NFIA: variants seen among roughly 807,000 people sequenced by gnomAD.
The protein encoded by NFIA is nuclear factor I A, also known as nuclear factor 1 A-type.
Under a neutral mutation model 62.8 loss-of-function variants are expected in NFIA, and 8 were observed. The observed-to-expected ratio is 0.13, with a 90% CI of 0.07 to 0.23. NFIA has a LOEUF of 0.23. Ranked by LOEUF, NFIA falls within the 10% of genes least tolerant of loss-of-function variation. The probability of loss-of-function intolerance (pLI) is 1.00; values close to 1 mark genes in which losing one functional copy is unlikely to be tolerated. For synonymous variants in NFIA, 235 were observed against 238.1 expected (o/e 0.99, Z 0.12); for missense variants, 410 against 642.1 (o/e 0.64, Z 3.91).
chr1:61,403,969 C>A, intron 7 of NFIA, 135 bp from the exon 8 acceptor site: 1 of 979,990 alleles, frequency 1.0e-6, no homozygotes, highest in Non-Finnish European at 1.5e-6. Flanking sequence ...CAGACCTATC[C>A]AGTGTTAAAT....
intron 2 of NFIA, among the ~76,000 whole-genome samples, chr1:61,117,961 AT>A (rs1358174084): frequency 2.6e-5 from 4 of 152,210 alleles, no homozygotes; most frequent in Admixed American, 6.5e-5. Context: ...AGGCAGGTGG[AT>A]TGCCTGAGAT....
chr1:61,359,114 T>G (rs763795346), intron 5 of NFIA, 33 bp from the exon 6 acceptor site: 1 of 1,607,058 alleles, frequency 6.2e-7, no homozygotes, highest in Admixed American at 1.7e-5. Context: ...TGGTTGCGAT[T>G]GCTTTTAAAC....
chr1:61,137,614 A>T (rs1014353892), intron 2 of NFIA, among the ~76,000 whole-genome samples: 1 of 152,112 alleles, frequency 6.6e-6, no homozygotes, highest in African/African-American at 2.4e-5. Context: ...TTGGCTGCCC[A>T]TTTAGAATCA....
intron 2 of NFIA, among the ~76,000 whole-genome samples, chr1:61,116,668 G>A (rs939293231): frequency 4.6e-5 from 7 of 152,176 alleles, no homozygotes; most frequent in Non-Finnish European, 1.0e-4. Context: ...AATTATCAAC[G>A]ATGACTGCAG....
At chr1:61,196,092 G>C (rs1360484763) in intron 2 of NFIA, among the ~76,000 whole-genome samples, 1 of 152,162 alleles carries the variant, frequency 6.6e-6, no homozygotes, top group Non-Finnish European at 1.5e-5. Context: ...AAAATTAAAA[G>C]TCAGTTTGCT....
chr1:61,140,967 T>TTTTC (rs1360963056), intron 2 of NFIA, among the ~76,000 whole-genome samples: 237 of 29,014 alleles, frequency 8.2e-3, no homozygotes, highest in Non-Finnish European at 0.024. Flanking sequence ...ACAGCTGGGT[T>TTTTC]TTTTTTTTTT....
intron 2 of NFIA, among the ~76,000 whole-genome samples, chr1:61,199,623 C>T (rs1190143858): frequency 1.3e-5 from 2 of 151,998 alleles, no homozygotes; most frequent in Non-Finnish European, 1.5e-5. Context: ...TCCTTCTAAT[C>T]GTAGCTTCAT....
intron 7 of NFIA, among the ~76,000 whole-genome samples, chr1:61,384,809 C>T (rs571207819): frequency 5.3e-5 from 8 of 152,152 alleles, no homozygotes; most frequent in South Asian, 2.1e-4. Flanking sequence ...TTGGGGGGAC[C>T]GTGGAGGTTC....
chr1:61,306,615 A>G (rs569828707), intron 3 of NFIA, among the ~76,000 whole-genome samples: 1 of 152,168 alleles, frequency 6.6e-6, no homozygotes, highest in Admixed American at 6.5e-5. Context: ...TTGTTTCTTG[A>G]ATGCTTTCTC....
At chr1:61,234,917 C>T (rs1654899878) in intron 2 of NFIA, among the ~76,000 whole-genome samples, 1 of 152,164 alleles carries the variant, frequency 6.6e-6, no homozygotes, top group Non-Finnish European at 1.5e-5. Flanking sequence ...ACAATAGCTG[C>T]GATTGGCCAT....
chr1:61,161,526 GA>G (rs1349440421), intron 2 of NFIA, among the ~76,000 whole-genome samples: 1 of 152,108 alleles, frequency 6.6e-6, no homozygotes, highest in East Asian at 1.9e-4. Context: ...CACTGTCCAA[GA>G]GGTCGAGATG....
intron 4 of NFIA, among the ~76,000 whole-genome samples, chr1:61,336,055 G>A (rs1661590404): frequency 1.3e-5 from 2 of 152,022 alleles, no homozygotes; most frequent in African/African-American, 2.4e-5. Flanking sequence ...TTTATAGATG[G>A]AGTCTGTGAT....
At chr1:61,081,685 C>A, upstream of NFIA, 1 of 546,276 alleles carries the variant, frequency 1.8e-6, no homozygotes, top group Non-Finnish European at 3.3e-6. Context: ...TAATCTCCGC[C>A]TTCTTTTCTC....
intron 3 of NFIA, among the ~76,000 whole-genome samples, chr1:61,306,167 G>A (rs747847461): frequency 1.7e-4 from 25 of 150,618 alleles, no homozygotes; most frequent in African/African-American, 7.3e-5. Context: ...GATTGTTTTC[G>A]GAGACTTGTA....
At chr1:61,345,386 A>G (rs1018884186) in intron 4 of NFIA, among the ~76,000 whole-genome samples, 5 of 152,232 alleles carry the variant, frequency 3.3e-5, no homozygotes, top group Admixed American at 2.0e-4. Flanking sequence ...AAACTGGTCA[A>G]AGGGAGCTCT....
At chr1:61,156,722 C>A (rs1648842410) in intron 2 of NFIA, among the ~76,000 whole-genome samples, 2 of 152,348 alleles carry the variant, frequency 1.3e-5, no homozygotes, top group South Asian at 4.1e-4. Flanking sequence ...AGGAGGATTA[C>A]TACTGCCATC....
At position 61,229,133 on chromosome 1, in the gene NFIA, GAA is replaced by G. The variant is rs397863816; in HGVS notation, c.560-48377_560-48376del. Reference sequence around the variant, plus strand: ...AGTCATGAATGGAGTCAGGGTAAAAGAAAAAAAAAAAGCAACGTAATTTTTTC... The same window carrying G: ...AGTCATGAATGGAGTCAGGGTAAAAGAAAAAAAAAGCAACGTAATTTTTTC... On this transcript the variant is annotated intron_variant, in intron 2 of 10. Coordinates refer to ENST00000403491, the MANE Select transcript of NFIA (RefSeq NM_001134673.4). Among the ~76,000 whole-genome samples, 627 of 138,810 alleles carry G rather than the reference GAA, an allele frequency of 4.5e-3. 9 individuals carry two copies. The highest frequency in any genetic ancestry group is 0.021 in the Admixed American group (292 of 13,970). 91.1% of individuals were successfully genotyped at this position (138,810 alleles called of 152,430 possible).
intron 7 of NFIA, among the ~76,000 whole-genome samples, chr1:61,390,985 G>A (rs1217723037): frequency 6.6e-6 from 1 of 152,204 alleles, no homozygotes; most frequent in Non-Finnish European, 1.5e-5. Flanking sequence ...ATATTCAGCA[G>A]CACGTAGAAA....
intron 4 of NFIA, among the ~76,000 whole-genome samples, chr1:61,350,837 T>C (rs1261065049): frequency 1.3e-5 from 2 of 152,358 alleles, no homozygotes; most frequent in South Asian, 2.1e-4. Context: ...CCTTTCCTTT[T>C]AACATTGTTT....
Sources: allele counts gnomAD v4.1 joint callset (sites outside exome capture counted in the v4.1 genomes callset), GRCh38; gene constraint gnomAD v4.1.1; transcripts MANE v1.5; gene names NCBI Gene and HGNC (gene_info 2026-07-23, HGNC 2026-07-21).